The following XKR3 variants were observed in gnomAD, a reference collection of about 807,000 sequenced individuals.
XKR3 encodes the protein XK related 3.
In XKR3, 27 loss-of-function variants were observed where a neutral mutation model predicts 40.3. The observed-to-expected ratio is 0.67, with a 90% CI of 0.49 to 0.92. The LOEUF (loss-of-function observed/expected upper bound fraction) is 0.92, where lower values mean the gene tolerates loss of function less well. XKR3 is among the 40% of genes least tolerant of loss of function. The pLI is 0.00. For synonymous variants in XKR3, 193 were observed against 195.4 expected (o/e 0.99, Z 0.10); for missense variants, 472 against 537.6 (o/e 0.88, Z 1.21).
At chr22:16,796,304 T>C (rs1251975317) in intron 3 of XKR3, among the ~76,000 whole-genome samples, 25 of 152,310 alleles carry the variant, frequency 1.6e-4, no homozygotes, top group Non-Finnish European at 3.1e-4. Context: ...AACGCTATTA[T>C]AATTCAAACA....
chr22:16,819,121 A>C (rs948702744), intron 1 of XKR3, among the ~76,000 whole-genome samples: 2 of 152,156 alleles, frequency 1.3e-5, no homozygotes, highest in Non-Finnish European at 2.9e-5. Context: ...TGAAACATAT[A>C]AAACACTGGT....
chr22:16,799,185 A>G (rs1349602287), intron 3 of XKR3, among the ~76,000 whole-genome samples: 1 of 151,818 alleles, frequency 6.6e-6, no homozygotes, highest in Admixed American at 6.6e-5. Context: ...AGGCCAAGGC[A>G]GGTGGATCAC....
intron 3 of XKR3, among the ~76,000 whole-genome samples, chr22:16,796,014 T>G (rs1379999397): frequency 1.3e-5 from 2 of 151,678 alleles, no homozygotes; most frequent in Admixed American, 6.6e-5. Context: ...CAAAACAATA[T>G]AGGCTATATA....
At chr22:16,811,783 AG>A in intron 1 of XKR3, among the ~76,000 whole-genome samples, 1 of 151,990 alleles carries the variant, frequency 6.6e-6, no homozygotes, top group Non-Finnish European at 1.5e-5. Flanking sequence ...CTGAGGCAGC[AG>A]GATCACGAGG....
rs935449110 is a variant in XKR3 at position 16,807,646 on chromosome 22, C to T, written c.335+93G>A. ...GAGGGAAATATTTCAATTCCGTAAA[C>T]GATAATTATGGCATCCTTAATCTTT... On this transcript the variant is annotated intron_variant, in intron 2 of 3. Transcript: ENST00000684488. 491 of 1,161,336 alleles carry T rather than the reference C, an allele frequency of 4.2e-4. 1 individual carries two copies. The highest frequency in any genetic ancestry group is 3.0e-4 in the Middle Eastern group (1 of 3,304). The allele number at this position is 1,161,336 out of a possible 1,614,324, so 71.9% of individuals were successfully genotyped here. A position where few individuals can be genotyped will look rare whatever the true frequency, so the allele number is the denominator to read the frequency against.
intron 1 of XKR3, among the ~76,000 whole-genome samples, chr22:16,819,134 A>G (rs1220008070): frequency 2.0e-5 from 3 of 152,140 alleles, no homozygotes; most frequent in African/African-American, 7.2e-5. Context: ...ACACTGGTGA[A>G]AGAAATCAAA....
In XKR3 at chr22:16,784,351, T is replaced by C; in HGVS notation, c.648A>G (p.Ile216Met). ...CATCATTGCTGATCTGGATGGCCAGTATATTGCAGCGAATGGCCCCATAAG... is the reference window on the plus strand; with the variant it reads ...CATCATTGCTGATCTGGATGGCCAGCATATTGCAGCGAATGGCCCCATAAG... ...SVTYGAIRCNILAIQISNDDT... is the reference protein window; with the variant it reads ...SVTYGAIRCNMLAIQISNDDT... The change falls in exon 4 of 4, where the codon ATA becomes ATG. Residue 216 changes from isoleucine to methionine, a missense_variant. Coordinates refer to ENST00000684488, the MANE Select transcript of XKR3 (RefSeq NM_001386955.1). 4 of 1,613,584 alleles carry C rather than the reference T, an allele frequency of 2.5e-6. No individual in the cohort carries two copies. The African/African-American group carries it at 4.0e-5, about 16-fold the overall frequency.
chr22:16,786,826 A>G (rs2060092731), intron 3 of XKR3, among the ~76,000 whole-genome samples: 1 of 152,168 alleles, frequency 6.6e-6, no homozygotes, highest in African/African-American at 2.4e-5. Flanking sequence ...CACCTATATC[A>G]TTGTGCAGAT....
chr22:16,787,126 T>G (rs2108583), intron 3 of XKR3, among the ~76,000 whole-genome samples: 21 of 151,692 alleles, frequency 1.4e-4, no homozygotes, highest in Admixed American at 1.4e-3. Flanking sequence ...CAGTTGAGAG[T>G]ATTGACAGAA....
At chr22:16,807,168 A>G (rs62227214) in intron 2 of XKR3, among the ~76,000 whole-genome samples, 27,468 of 152,164 alleles carry the variant, frequency 0.18, 2,926 homozygotes, top group East Asian at 0.28. Flanking sequence ...TAGAACTATG[A>G]GTAAGACAGA....
intron 3 of XKR3, among the ~76,000 whole-genome samples, chr22:16,785,823 G>C (rs5994014): frequency 0.012 from 1,896 of 152,174 alleles, 47 homozygotes; most frequent in African/African-American, 0.044. Context: ...ACTCCAGCCT[G>C]GGCGACAGAG....
At chr22:16,814,163 T>G (rs2060223938) in intron 1 of XKR3, among the ~76,000 whole-genome samples, 1 of 152,206 alleles carries the variant, frequency 6.6e-6, no homozygotes, top group African/African-American at 2.4e-5. Context: ...TATTTTATTG[T>G]GTTCAGCTCC....
intron 1 of XKR3, among the ~76,000 whole-genome samples, chr22:16,818,494 T>G (rs186608620): frequency 6.6e-6 from 1 of 152,148 alleles, no homozygotes; most frequent in Non-Finnish European, 1.5e-5. Context: ...AATCCTGTTC[T>G]CTCGCAGCCC....
chr22:16,809,957 G>T (rs1478632726), intron 1 of XKR3, among the ~76,000 whole-genome samples: 3 of 152,122 alleles, frequency 2.0e-5, no homozygotes, highest in Admixed American at 1.3e-4. Flanking sequence ...TCTTCATATT[G>T]CCCAGGCTGG....
intron 1 of XKR3, among the ~76,000 whole-genome samples, chr22:16,816,904 T>C (rs542135581): frequency 1.3e-5 from 2 of 152,122 alleles, no homozygotes; most frequent in African/African-American, 4.8e-5. Flanking sequence ...AGCATTTTAG[T>C]ATAATTATAT....
chr22:16,822,267 A>G (rs182381839), intron 1 of XKR3, among the ~76,000 whole-genome samples: 10 of 152,280 alleles, frequency 6.6e-5, no homozygotes, highest in African/African-American at 1.7e-4. Context: ...TCCATAGAGA[A>G]GTGTAATACC....
intron 2 of XKR3, among the ~76,000 whole-genome samples, chr22:16,805,285 T>C (rs528938326): frequency 2.0e-5 from 3 of 152,350 alleles, no homozygotes; most frequent in East Asian, 3.9e-4. Context: ...TTCTACATAC[T>C]AGCAATGAAC....
At chr22:16,812,356 C>T (rs1255765606) in intron 1 of XKR3, among the ~76,000 whole-genome samples, 2 of 152,098 alleles carry the variant, frequency 1.3e-5, no homozygotes, top group African/African-American at 4.8e-5. Flanking sequence ...TGAGAGATAA[C>T]TCACATAGTA....
chr22:16,787,117 A>C (rs2146139682), intron 3 of XKR3, among the ~76,000 whole-genome samples: 1 of 152,246 alleles, frequency 6.6e-6, no homozygotes, highest in Non-Finnish European at 1.5e-5. Flanking sequence ...AAAAAAATAC[A>C]GTTGAGAGTA....
Sources: allele counts gnomAD v4.1 joint callset (sites outside exome capture counted in the v4.1 genomes callset), GRCh38; gene constraint gnomAD v4.1.1; transcripts MANE v1.5; gene names NCBI Gene and HGNC (gene_info 2026-07-23, HGNC 2026-07-21).